CSPP1: variants seen among roughly 807,000 people sequenced by gnomAD.
The protein encoded by CSPP1 is centrosome and spindle pole associated protein 1, also known as centrosome and spindle pole-associated protein 1.
A neutral mutation model predicts 164.4 loss-of-function variants in CSPP1; 126 were observed. The observed-to-expected ratio is 0.77, with a 90% CI of 0.66 to 0.89. CSPP1 has a LOEUF of 0.89. Among genes scored for constraint, CSPP1 ranks in the 40% least tolerant of loss-of-function variants. CSPP1 has a pLI of 0.00. For missense variants in CSPP1, 1,395 were observed against 1,449.8 expected, an observed-to-expected ratio of 0.96 and a Z score of 0.61; for synonymous variants, 472 against 476.7, an observed-to-expected ratio of 0.99 and a Z score of 0.13.
chr8:67,130,658 C>A (rs76887089), intron 15 of CSPP1, among the ~76,000 whole-genome samples: 112 of 152,218 alleles, frequency 7.4e-4, no homozygotes, highest in Non-Finnish European at 1.3e-3. Flanking sequence ...TTTTTTAAAG[C>A]AGTGATATTT....
intron 9 of CSPP1, among the ~76,000 whole-genome samples, chr8:67,106,659 C>A (rs114438873): frequency 0.02 from 3,030 of 152,042 alleles, 86 homozygotes; most frequent in African/African-American, 0.068. Flanking sequence ...AATTTAATAC[C>A]AGAAACTGTG....
At chr8:67,115,890 A>G in intron 12 of CSPP1, 24 bp from the exon 13 acceptor site, 2 of 1,592,538 alleles carry the variant, frequency 1.3e-6, no homozygotes, top group South Asian at 1.1e-5. Context: ...TATGTAACAA[A>G]CAGATTTTTT....
intron 6 of CSPP1, 47 bp from the exon 7 acceptor site, chr8:67,095,246 T>G (rs900076601): frequency 1.5e-5 from 18 of 1,225,442 alleles, no homozygotes; most frequent in Admixed American, 5.1e-5. Flanking sequence ...TTATAAGAGA[T>G]AGTTTCTTGT....
chr8:67,109,234 T>G (rs1445755773), intron 9 of CSPP1, among the ~76,000 whole-genome samples: 3 of 152,226 alleles, frequency 2.0e-5, no homozygotes, highest in Non-Finnish European at 2.9e-5. Context: ...GCTGTATGAC[T>G]GAGGGCCCTG....
At chr8:67,120,202 C>G (rs1818711059) in intron 15 of CSPP1, among the ~76,000 whole-genome samples, 1 of 152,160 alleles carries the variant, frequency 6.6e-6, no homozygotes, top group Non-Finnish European at 1.5e-5. Context: ...TATTTTTGGG[C>G]TATTTATCCT....
chr8:67,181,225 A>T (rs940666452), intron 28 of CSPP1, among the ~76,000 whole-genome samples: 1 of 151,128 alleles, frequency 6.6e-6, no homozygotes, highest in Non-Finnish European at 1.5e-5. Flanking sequence ...TTTTGTAGAG[A>T]TGAGGTCTCC....
rs373054717 is a variant in CSPP1, at chr8:67,159,128, A to G, written c.2529A>G (p.Glu843=). ...GTGAAAGAGACAATTTGATTGGGGAAGAAACAAAGGTAAGTTTCAGACAAA... is the reference window on the plus strand; with the variant it reads ...GTGAAAGAGACAATTTGATTGGGGAGGAAACAAAGGTAAGTTTCAGACAAA... ...HYCERDNLIG[E]ETKHMRQPSP... The change falls in exon 21 of 31, where the codon GAA becomes GAG. Residue 843 remains glutamate, a synonymous_variant. Transcript: ENST00000678616. 2.0e-5 allele frequency: 32 copies of G among 1,599,148 alleles called. No individual in the cohort carries two copies. The highest frequency in any genetic ancestry group is 2.6e-5 in the Non-Finnish European group (30 of 1,176,370).
At chr8:67,172,245 CT>C (rs1474753356) in intron 24 of CSPP1, among the ~76,000 whole-genome samples, 170 bp from the exon 25 acceptor site, 2 of 144,742 alleles carry the variant, frequency 1.4e-5, no homozygotes, top group African/African-American at 5.2e-5. Flanking sequence ...GTCCTCCTGT[CT>C]GCCTCCCAAA....
At chr8:67,132,121 T>A (rs964695999) in intron 16 of CSPP1, 41 bp downstream of exon 16, 1 of 1,574,358 alleles carries the variant, frequency 6.4e-7, no homozygotes, top group African/African-American at 1.4e-5. Flanking sequence ...ACCTCTTAAG[T>A]GTAAGCATGG....
intron 15 of CSPP1, among the ~76,000 whole-genome samples, chr8:67,125,683 CATTG>C (rs1392692978): frequency 6.6e-6 from 1 of 152,138 alleles, no homozygotes; most frequent in Non-Finnish European, 1.5e-5. Context: ...TCTTCAAGTT[CATTG>C]ATTGTTTCTT....
At chr8:67,162,189 G>A (rs889041881) in intron 22 of CSPP1, among the ~76,000 whole-genome samples, 3 of 152,162 alleles carry the variant, frequency 2.0e-5, no homozygotes, top group Non-Finnish European at 4.4e-5. Flanking sequence ...GAACTACAAG[G>A]AAAAGAGAAC....
At chr8:67,070,881 A>G (rs774195961) in intron 1 of CSPP1, among the ~76,000 whole-genome samples, 1 of 151,500 alleles carries the variant, frequency 6.6e-6, no homozygotes, top group African/African-American at 2.4e-5. Context: ...AGCTTCCCCA[A>G]TAGCTGGGAC....
chr8:67,105,133 C>T lies in CSPP1; in HGVS notation c.1023-772C>T, dbSNP rs551992874. ...CTCTGCCTTCCAGGTTCAAGTGATT[C>T]TCCTACCTCTGCCTCCCAAGTAGCT... On this transcript the variant is annotated intron_variant, in intron 8 of 30. Transcript: ENST00000678616. Among the ~76,000 whole-genome samples the T allele has an allele frequency of 6.5e-4, 94 of 145,552 alleles. 2 individuals are homozygous for T. The highest frequency in any genetic ancestry group is 6.4e-3 in the South Asian group (29 of 4,524).
chr8:67,077,397 A>T (rs1186367669), intron 3 of CSPP1, among the ~76,000 whole-genome samples: 3 of 151,584 alleles, frequency 2.0e-5, no homozygotes, highest in Admixed American at 1.3e-4. Flanking sequence ...GTGCAGTGGC[A>T]CGATCTCGGC....
intron 22 of CSPP1, 85 bp downstream of exon 22, chr8:67,162,000 T>A (rs1828451713): frequency 1.1e-6 from 1 of 884,272 alleles, no homozygotes; most frequent in Non-Finnish European, 1.8e-6. Context: ...TTCATTATAT[T>A]TGGATAGGTT....
At chr8:67,181,183 T>C (rs1287670436) in intron 28 of CSPP1, among the ~76,000 whole-genome samples, 2 of 151,710 alleles carry the variant, frequency 1.3e-5, no homozygotes, top group East Asian at 3.9e-4. Flanking sequence ...GACTACAGCA[T>C]GCACCACGAT....
At chr8:67,136,108 G>A (rs1476036800) in intron 16 of CSPP1, among the ~76,000 whole-genome samples, 1 of 152,064 alleles carries the variant, frequency 6.6e-6, no homozygotes, top group Non-Finnish European at 1.5e-5. Context: ...CTAAAGATCA[G>A]CAATCACAGA....
At chr8:67,149,145 A>G (rs1465811480) in intron 17 of CSPP1, among the ~76,000 whole-genome samples, 1 of 152,166 alleles carries the variant, frequency 6.6e-6, no homozygotes, top group Non-Finnish European at 1.5e-5. Flanking sequence ...GGGCCTCTCC[A>G]TAGGGCTCCC....
chr8:67,184,086 C>G (rs547859356), intron 28 of CSPP1, among the ~76,000 whole-genome samples: 1 of 152,192 alleles, frequency 6.6e-6, no homozygotes, highest in East Asian at 1.9e-4. Flanking sequence ...CTCCTGACCT[C>G]AGGTGATCCC....
Sources: allele counts gnomAD v4.1 joint callset (sites outside exome capture counted in the v4.1 genomes callset), GRCh38; gene constraint gnomAD v4.1.1; transcripts MANE v1.5; gene names NCBI Gene and HGNC (gene_info 2026-07-23, HGNC 2026-07-21).